Variants in HPS4 observed in about 807,000 individuals in gnomAD.
HPS4 encodes the protein HPS4 biogenesis of lysosomal organelles complex 3 subunit 2, also known as BLOC-3 complex member HPS4.
A neutral mutation model predicts 70.3 loss-of-function variants in HPS4; 44 were observed. The observed-to-expected ratio is 0.63, with a 90% CI of 0.49 to 0.80. The LOEUF (loss-of-function observed/expected upper bound fraction) is 0.80, where lower values mean the gene tolerates loss of function less well. Ranked by LOEUF, HPS4 falls within the 30% of genes least tolerant of loss-of-function variation. The probability of loss-of-function intolerance (pLI) is 0.00; values close to 1 mark genes in which losing one functional copy is unlikely to be tolerated. For missense variants in HPS4, 873 were observed against 884.4 expected (o/e 0.99, Z 0.16); for synonymous variants, 377 against 355.9 (o/e 1.06, Z -0.67).
At chr22:26,443,285 G>A (rs1012452915), downstream of HPS4, 30 of 1,224,808 alleles carry the variant, frequency 2.4e-5, no homozygotes, top group Non-Finnish European at 3.1e-5. Flanking sequence ...AGTCCCTACC[G>A]GTGTTGTTTC....
At chr22:26,462,793 G>T (rs1279942653) in intron 11 of HPS4, among the ~76,000 whole-genome samples, 1 of 152,182 alleles carries the variant, frequency 6.6e-6, no homozygotes, top group Non-Finnish European at 1.5e-5. Flanking sequence ...GAAGGAGATG[G>T]ATAGTCACTC....
intron 12 of HPS4, 110 bp downstream of exon 12, chr22:26,458,335 G>A (rs2146370440): frequency 1.4e-6 from 2 of 1,414,164 alleles, no homozygotes; most frequent in Non-Finnish European, 2.0e-6. Context: ...ACGCAGGTCA[G>A]ACAACTCTGT....
chr22:26,445,556 T>C (rs1381477253), intron 3 of HPS4, among the ~76,000 whole-genome samples: 2 of 152,186 alleles, frequency 1.3e-5, no homozygotes, highest in East Asian at 1.9e-4. Flanking sequence ...GGACCCTGGC[T>C]TCAGAAAAGC....
intron 13 of HPS4, among the ~76,000 whole-genome samples, chr22:26,455,138 T>G (rs2146285519): frequency 6.6e-6 from 1 of 150,952 alleles, no homozygotes. Flanking sequence ...TTGGTGGGAC[T>G]GTAAACTAGT....
chr22:26,483,763 A>G lies in HPS4; in HGVS notation c.-568T>C. ...TGGGTACCTGCGACTTCTGCCCCGT[A>G]CCTGCGCGCGCGGCAGAGAGGCCTT... On this transcript the variant is annotated 5_prime_UTR_variant, in exon 1 of 14. Transcript: ENST00000398145. 1.7e-6 allele frequency: 1 copy of G among 588,076 alleles called. No homozygotes were observed. Among genetic ancestry groups the G allele is most frequent in the Non-Finnish European group, 2.6e-6 (1 of 390,974 alleles). 36.4% of individuals were successfully genotyped at this position (588,076 alleles called of 1,614,324 possible). A position where few individuals can be genotyped will look rare whatever the true frequency, so the allele number is the denominator to read the frequency against.
chr22:26,468,957 A>G (rs2089254836), intron 7 of HPS4, among the ~76,000 whole-genome samples: 1 of 152,252 alleles, frequency 6.6e-6, no homozygotes, highest in African/African-American at 2.4e-5. Context: ...AAAAGTATGC[A>G]GTCCTCATAA....
chr22:26,472,435 C>A lies in HPS4; in HGVS notation c.385-17G>T. On this transcript the variant is annotated splice_polypyrimidine_tract_variant and intron_variant, in intron 5 of 13. Coordinates refer to ENST00000398145, the MANE Select transcript of HPS4 (RefSeq NM_022081.6). ...AGAACAGTTCTAAAACAGAAAGAGC[C>A]TCAGGTCAATATCTGAGATTTTGAG... 6.8e-7 allele frequency: 1 copy of A among 1,469,284 alleles called. No homozygotes were observed. The highest frequency in any genetic ancestry group is 9.5e-7 in the Non-Finnish European group (1 of 1,047,852). 91.0% of individuals were successfully genotyped at this position (1,469,284 alleles called of 1,614,324 possible). A position where few individuals can be genotyped will look rare whatever the true frequency, so the allele number is the denominator to read the frequency against.
chr22:26,470,976 T>C (rs2089711598), intron 6 of HPS4, 163 bp from the exon 7 acceptor site: 8 of 1,448,556 alleles, frequency 5.5e-6, no homozygotes, highest in Middle Eastern at 1.7e-4. Flanking sequence ...CTTGGGACTA[T>C]TCTACCTCTC....
intron 3 of HPS4, 56 bp from the exon 4 acceptor site, chr22:26,477,192 C>T: frequency 6.3e-7 from 1 of 1,593,174 alleles, no homozygotes; most frequent in South Asian, 1.1e-5. Flanking sequence ...ACTCTTAAGT[C>T]ATTTCTTACA....
At chr22:26,443,195 C>G, downstream of HPS4, 1 of 1,614,062 alleles carries the variant, frequency 6.2e-7, no homozygotes, top group Non-Finnish European at 8.5e-7. Flanking sequence ...CATCTTTGCT[C>G]CGGGACGATG....
At chr22:26,457,593 T>C (rs1481096690) in intron 13 of HPS4, among the ~76,000 whole-genome samples, 1 of 152,202 alleles carries the variant, frequency 6.6e-6, no homozygotes, top group African/African-American at 2.4e-5. Context: ...TAGTAATGGA[T>C]GTAGCTCCAT....
intron 6 of HPS4, chr22:26,471,361 T>A (rs1206349263): frequency 4.4e-6 from 2 of 456,274 alleles, no homozygotes; most frequent in Admixed American, 4.7e-5. Flanking sequence ...TCCACATTCC[T>A]TGTATGGAGT....
At chr22:26,447,299 G>A (rs1290195606), downstream of HPS4, among the ~76,000 whole-genome samples, 2 of 152,200 alleles carry the variant, frequency 1.3e-5, no homozygotes, top group South Asian at 2.1e-4. Flanking sequence ...AGAAACCCAC[G>A]GAGGCAAGCG....
intron 6 of HPS4, 188 bp from the exon 7 acceptor site, chr22:26,471,001 C>G: frequency 2.4e-6 from 3 of 1,244,606 alleles, no homozygotes; most frequent in East Asian, 5.1e-5. Flanking sequence ...CTCAGAACTG[C>G]TGACACCACT....
chr22:26,479,280 G>T lies in HPS4; in HGVS notation c.117C>A (p.Tyr39Ter). The T allele has an allele frequency of 4.3e-6, 7 of 1,614,128 alleles. No individual in the cohort carries two copies. Among genetic ancestry groups the T allele is most frequent in the Non-Finnish European group, 5.1e-6 (6 of 1,180,004 alleles). The change falls in exon 3 of 14, where the codon TAC becomes TAA. Residue 39 changes from tyrosine (Y) to a stop codon, truncating the protein, a stop_gained. Coordinates refer to ENST00000398145, the MANE Select transcript of HPS4 (RefSeq NM_022081.6). LOFTEE classifies it high-confidence loss of function. The stretch of plus-strand genomic sequence containing the variant: ...TGTGGCTTACCTGGGAAGGATAAAA[G>T]TAACAAATGCCAGCTCTTGTTGGAT... Reference protein sequence around the residue: ...EGDPTRAGICYFYPSQTLLDQ... With the variant: ...EGDPTRAGIC
At chr22:26,461,874 C>A (rs528191206) in intron 11 of HPS4, among the ~76,000 whole-genome samples, 1 of 152,306 alleles carries the variant, frequency 6.6e-6, no homozygotes, top group Non-Finnish European at 1.5e-5. Flanking sequence ...TGCCTGTAAT[C>A]CCAGCACTTT....
chr22:26,445,800 A>G (rs2084934243), intron 3 of HPS4, among the ~76,000 whole-genome samples: 1 of 152,224 alleles, frequency 6.6e-6, no homozygotes, highest in African/African-American at 2.4e-5. Context: ...GGGTGTGGCC[A>G]GAGAAGCCAG....
At chr22:26,454,432 G>A (rs2085723307) in intron 13 of HPS4, among the ~76,000 whole-genome samples, 1 of 152,240 alleles carries the variant, frequency 6.6e-6, no homozygotes, top group Non-Finnish European at 1.5e-5. Context: ...AACAGTATGT[G>A]TCCTCATTGG....
chr22:26,479,257 T>C lies in HPS4; in HGVS notation c.132+8A>G, dbSNP rs193141180. The C allele has an allele frequency of 4.3e-6, 7 of 1,614,130 alleles. No individual in the cohort carries two copies. The Admixed American group carries it at 1.2e-4, about 27-fold the overall frequency. ...CCTCACTGAACAATAAAATGCTGTGTGGCTTACCTGGGAAGGATAAAAGTA... is the reference window on the plus strand; with the variant it reads ...CCTCACTGAACAATAAAATGCTGTGCGGCTTACCTGGGAAGGATAAAAGTA... On this transcript the variant is annotated splice_region_variant and intron_variant, in intron 3 of 13. Transcript: ENST00000398145.
Sources: allele counts gnomAD v4.1 joint callset (sites outside exome capture counted in the v4.1 genomes callset), GRCh38; gene constraint gnomAD v4.1.1; transcripts MANE v1.5; gene names NCBI Gene and HGNC (gene_info 2026-07-23, HGNC 2026-07-21).